Variants in TMEM178B observed in about 807,000 individuals in gnomAD.
TMEM178B encodes transmembrane protein 178B.
A neutral mutation model predicts 31.0 loss-of-function variants in TMEM178B; 5 were observed. The ratio of observed to expected loss-of-function variants is 0.16; its 90% confidence interval spans 0.08 to 0.34. The LOEUF is 0.34. Among genes scored for constraint, TMEM178B ranks in the 10% least tolerant of loss-of-function variants. The pLI is 1.00. For missense variants in TMEM178B, 275 were observed against 400.3 expected (o/e 0.69, Z 2.67); for synonymous variants, 164 against 164.0 (o/e 1.00, Z 0.00).
chr7:141,074,151 G>A lies in TMEM178B; in HGVS notation c.-160G>A, dbSNP rs955994199. ...GCCCGCCCCCATCCCCGCAGTCCCC[G>A]GGCCGTGCTCCGGTAGGCGGGGGCC... On this transcript the variant is annotated 5_prime_UTR_variant, in exon 1 of 4. Transcript: ENST00000565468. This position sits in a 1 kb window ranked among gnomAD's most constrained non-coding sequence, Gnocchi z 5.1. 7.3e-6 allele frequency: 8 copies of A among 1,096,046 alleles called. No homozygotes were observed. In the South Asian group the frequency reaches 1.2e-4, roughly 17 times the overall value. The allele number at this position is 1,096,046 out of a possible 1,614,324, so 67.9% of individuals were successfully genotyped here. A position where few individuals can be genotyped will look rare whatever the true frequency, so the allele number is the denominator to read the frequency against.
intron 2 of TMEM178B, among the ~76,000 whole-genome samples, chr7:141,330,733 T>TGTGATCTTCTTGTACTTTTACAA (rs1799285316): frequency 6.6e-6 from 1 of 152,192 alleles, no homozygotes; most frequent in African/African-American, 2.4e-5. Context: ...CAAAGAAGAA[T>TGTGATCTTCTTGTACTTTTACAA]GATGTGATCC....
intron 2 of TMEM178B, among the ~76,000 whole-genome samples, chr7:141,395,714 G>C (rs188266129): frequency 6.6e-6 from 1 of 152,082 alleles, no homozygotes; most frequent in Non-Finnish European, 1.5e-5. Flanking sequence ...TGGCAAATCA[G>C]CACTGTATAT....
At chr7:141,080,673 T>C (rs900309606) in intron 1 of TMEM178B, among the ~76,000 whole-genome samples, 4 of 152,172 alleles carry the variant, frequency 2.6e-5, no homozygotes, top group African/African-American at 9.7e-5. Context: ...TCGTGTAATA[T>C]AGCACAGGGT....
At chr7:141,510,475 C>T in the TMEM178B span, among the ~76,000 whole-genome samples, 4 of 151,658 alleles carry the variant, frequency 2.6e-5, no homozygotes, top group Admixed American at 6.6e-5. Flanking sequence ...TATCTGAGGT[C>T]GGGAGTTCAA....
At chr7:141,370,815 G>C (rs1443712818) in intron 2 of TMEM178B, among the ~76,000 whole-genome samples, 1 of 152,202 alleles carries the variant, frequency 6.6e-6, no homozygotes, top group Non-Finnish European at 1.5e-5. Flanking sequence ...TATGCACATT[G>C]GTCTCCACCT....
At chr7:141,142,594 A>C (rs573516419) in intron 1 of TMEM178B, among the ~76,000 whole-genome samples, 25 of 152,038 alleles carry the variant, frequency 1.6e-4, no homozygotes, top group African/African-American at 6.0e-4. Context: ...TTTTTAGTAG[A>C]GATGGGGTTT....
Position 141,334,504 on chromosome 7 carries a change from A to T in TMEM178B, c.497-103104A>T, listed in dbSNP as rs185897095. ...GCAGTCATGTATCTGCAGGGACCTG[A>T]AGAAGATGAATCCTGGGCCAGCTAC... is the stretch of plus-strand genomic sequence containing the variant. On this transcript the variant is annotated intron_variant, in intron 2 of 3. Transcript: ENST00000565468. Among the ~76,000 whole-genome samples, 487 of 152,268 alleles carry T rather than the reference A, an allele frequency of 3.2e-3. 5 individuals carry two copies. The highest frequency in any genetic ancestry group is 0.011 in the African/African-American group (459 of 41,542).
At chr7:141,258,591 T>C (rs1277906663) in intron 2 of TMEM178B, among the ~76,000 whole-genome samples, 2 of 152,170 alleles carry the variant, frequency 1.3e-5, no homozygotes, top group Admixed American at 1.3e-4. Context: ...CCCAATGTCA[T>C]TTCCTTTCAG....
intron 2 of TMEM178B, among the ~76,000 whole-genome samples, chr7:141,267,092 T>A (rs910180013): frequency 2.0e-5 from 3 of 152,190 alleles, no homozygotes; most frequent in African/African-American, 7.2e-5. Flanking sequence ...GCAGGATGAA[T>A]GTGACAACAC....
chr7:141,260,932 G>A (rs958904255), intron 2 of TMEM178B, among the ~76,000 whole-genome samples: 2 of 152,030 alleles, frequency 1.3e-5, no homozygotes, highest in African/African-American at 4.8e-5. Context: ...TAGAGATTAG[G>A]CTTAAAACAG....
chr7:141,165,541 G>A (rs1195566479), intron 1 of TMEM178B, among the ~76,000 whole-genome samples: 3 of 152,132 alleles, frequency 2.0e-5, no homozygotes, highest in African/African-American at 7.2e-5. Context: ...CCACTGTCTA[G>A]TTATTTTATT....
intron 1 of TMEM178B, among the ~76,000 whole-genome samples, chr7:141,198,295 T>A (rs1796817987): frequency 6.6e-6 from 1 of 152,324 alleles, no homozygotes; most frequent in East Asian, 1.9e-4. Context: ...GGAGGCAGAC[T>A]TGACTGGGGA....
intron 2 of TMEM178B, among the ~76,000 whole-genome samples, chr7:141,430,606 T>C (rs1435058520): frequency 6.6e-6 from 1 of 152,142 alleles, no homozygotes; most frequent in Non-Finnish European, 1.5e-5. Context: ...TTCCTGCCAG[T>C]TGCATCTCTA....
At chr7:141,170,186 AT>A (rs1412131748) in intron 1 of TMEM178B, among the ~76,000 whole-genome samples, 1 of 152,104 alleles carries the variant, frequency 6.6e-6, no homozygotes, top group Admixed American at 6.6e-5. Context: ...AAGACTGGGC[AT>A]TTTCATGGTT....
intron 1 of TMEM178B, among the ~76,000 whole-genome samples, chr7:141,156,855 G>T (rs1301283179): frequency 6.6e-6 from 1 of 152,166 alleles, no homozygotes; most frequent in Non-Finnish European, 1.5e-5. Context: ...GGCTCTAGCA[G>T]ATCATTTCTC....
At chr7:141,438,294 G>A (rs1400608863) in intron 3 of TMEM178B, among the ~76,000 whole-genome samples, 1 of 152,036 alleles carries the variant, frequency 6.6e-6, no homozygotes, top group Non-Finnish European at 1.5e-5. Context: ...CATGTGCATA[G>A]GACCACTCCA....
chr7:141,441,574 G>A (rs1252512163), intron 3 of TMEM178B, among the ~76,000 whole-genome samples: 1 of 152,176 alleles, frequency 6.6e-6, no homozygotes, highest in African/African-American at 2.4e-5. Context: ...AGGGTGGGGG[G>A]ACAACATCAG....
intron 2 of TMEM178B, among the ~76,000 whole-genome samples, chr7:141,319,774 G>T (rs932218898): frequency 6.6e-6 from 1 of 152,140 alleles, no homozygotes; most frequent in South Asian, 2.1e-4. Flanking sequence ...TTATCACAGA[G>T]TTCAGAAAAA....
intron 1 of TMEM178B, among the ~76,000 whole-genome samples, chr7:141,153,715 A>G (rs1164466936): frequency 2.0e-5 from 3 of 152,154 alleles, no homozygotes. Flanking sequence ...TGTATTGGTC[A>G]CTTGTTTTTC....
Sources: allele counts gnomAD v4.1 joint callset (sites outside exome capture counted in the v4.1 genomes callset), GRCh38; gene constraint gnomAD v4.1.1; non-coding constraint Gnocchi (gnomAD v3.1); transcripts MANE v1.5; gene names NCBI Gene and HGNC (gene_info 2026-07-23, HGNC 2026-07-21).